The following EYS variants were observed in gnomAD, a reference collection of about 807,000 sequenced individuals.
EYS encodes protein eyes shut homolog.
In EYS, 250 loss-of-function variants were observed where a neutral mutation model predicts 282.1. The ratio of observed to expected loss-of-function variants is 0.89; its 90% CI spans 0.80 to 0.98. The LOEUF (loss-of-function observed/expected upper bound fraction) is 0.98. EYS is among the 50% of genes least tolerant of loss of function. EYS has a pLI of 0.00. For synonymous variants in EYS, 1,355 were observed against 1,282.9 expected (o/e 1.06, Z -1.20); for missense variants, 4,016 against 3,709.0 (o/e 1.08, Z -2.15).
intron 21 of EYS, among the ~76,000 whole-genome samples, chr6:64,816,356 A>T (rs1285830695): frequency 6.6e-6 from 1 of 152,096 alleles, no homozygotes; most frequent in African/African-American, 2.4e-5. Context: ...AAGCTGCAGG[A>T]TTGGGCAATC....
intron 32 of EYS, among the ~76,000 whole-genome samples, chr6:64,076,229 T>C (rs923480166): frequency 6.6e-6 from 1 of 152,000 alleles, no homozygotes; most frequent in Non-Finnish European, 1.5e-5. Context: ...ATTATAACAA[T>C]GTTCAATGGG....
chr6:65,699,313 AAAC>A (rs1422670843), intron 1 of EYS, among the ~76,000 whole-genome samples: 1 of 152,222 alleles, frequency 6.6e-6, no homozygotes, highest in Non-Finnish European at 1.5e-5. Context: ...CAAAATTATG[AAAC>A]CCTATTTTAC....
intron 12 of EYS, among the ~76,000 whole-genome samples, chr6:65,128,406 C>A (rs75486620): frequency 2.0e-5 from 3 of 151,828 alleles, no homozygotes; most frequent in Non-Finnish European, 2.9e-5. Flanking sequence ...AATGACAATA[C>A]GATTTTATAC....
At chr6:63,793,325 G>A (rs2149672990) in intron 37 of EYS, among the ~76,000 whole-genome samples, 1 of 152,332 alleles carries the variant, frequency 6.6e-6, no homozygotes, top group South Asian at 2.1e-4. Flanking sequence ...GGTCGAGAGT[G>A]TTGATAGAAT....
At chr6:63,853,548 G>C (rs1345297829) in intron 36 of EYS, among the ~76,000 whole-genome samples, 1 of 152,114 alleles carries the variant, frequency 6.6e-6, no homozygotes, top group African/African-American at 2.4e-5. Flanking sequence ...CGTGCAAATG[G>C]CCATACTGCC....
intron 5 of EYS, among the ~76,000 whole-genome samples, chr6:65,417,848 T>C (rs1465134376): frequency 6.6e-6 from 1 of 151,994 alleles, no homozygotes; most frequent in Non-Finnish European, 1.5e-5. Context: ...GAGGAATGGC[T>C]GCCAGAAGCC....
chr6:64,044,448 G>A (rs1170399436), intron 33 of EYS, among the ~76,000 whole-genome samples: 1 of 152,208 alleles, frequency 6.6e-6, no homozygotes. Context: ...AAATGGCAAA[G>A]AGCCGGGGAG....
chr6:64,546,746 T>G (rs1353369140), intron 26 of EYS, among the ~76,000 whole-genome samples: 2 of 152,156 alleles, frequency 1.3e-5, no homozygotes, highest in African/African-American at 4.8e-5. Flanking sequence ...AGAAGACATT[T>G]ATGCAGCCAA....
intron 2 of EYS, among the ~76,000 whole-genome samples, chr6:65,571,552 G>C (rs187167782): frequency 1.6e-3 from 247 of 150,920 alleles, no homozygotes; most frequent in African/African-American, 5.6e-3. Context: ...TAATCTTCTA[G>C]GTCAAAAAAA....
At chr6:64,209,762 GTTCT>G (rs1765706012) in intron 31 of EYS, among the ~76,000 whole-genome samples, 2 of 151,990 alleles carry the variant, frequency 1.3e-5, no homozygotes, top group South Asian at 4.1e-4. Flanking sequence ...TGCTGCCCTT[GTTCT>G]TTCTTTTCTG....
At chr6:65,333,212 CCA>C (rs1769860323) in intron 11 of EYS, among the ~76,000 whole-genome samples, 1 of 151,460 alleles carries the variant, frequency 6.6e-6, no homozygotes, top group Admixed American at 6.6e-5. Context: ...ACTGCATCAC[CCA>C]CATCCCATGA....
At chr6:64,851,359 T>C (rs544578856) in intron 19 of EYS, among the ~76,000 whole-genome samples, 1 of 152,210 alleles carries the variant, frequency 6.6e-6, no homozygotes, top group Non-Finnish European at 1.5e-5. Context: ...TATCCCACCA[T>C]AAAATGTCAG....
At chr6:63,982,492 G>A (rs1287469538) in intron 35 of EYS, among the ~76,000 whole-genome samples, 1 of 151,750 alleles carries the variant, frequency 6.6e-6, no homozygotes, top group African/African-American at 2.4e-5. Context: ...TGTCAGCCAG[G>A]GGACACCCTC....
At chr6:65,163,554 A>G (rs1406000966) in intron 12 of EYS, among the ~76,000 whole-genome samples, 1 of 151,244 alleles carries the variant, frequency 6.6e-6, no homozygotes, top group Non-Finnish European at 1.5e-5. Context: ...GCGGGTGGGT[A>G]AAGAAGTGAG....
At chr6:65,226,535 T>C (rs980401848) in intron 12 of EYS, among the ~76,000 whole-genome samples, 1 of 152,074 alleles carries the variant, frequency 6.6e-6, no homozygotes, top group Non-Finnish European at 1.5e-5. Context: ...CAATATCAAT[T>C]GTCAATACGG....
intron 12 of EYS, among the ~76,000 whole-genome samples, chr6:65,153,815 C>T (rs1232602761): frequency 6.6e-6 from 1 of 151,750 alleles, no homozygotes; most frequent in Admixed American, 6.6e-5. Flanking sequence ...CATCTTTAGG[C>T]ATGATTTGTT....
chr6:64,035,874 G>A (rs1449157489), intron 33 of EYS, among the ~76,000 whole-genome samples: 2 of 152,094 alleles, frequency 1.3e-5, no homozygotes, highest in African/African-American at 2.4e-5. Flanking sequence ...TAAGTTCTCA[G>A]AGATTCACTC....
chr6:64,676,621 C>G (rs1358158131), intron 22 of EYS, among the ~76,000 whole-genome samples: 1 of 152,050 alleles, frequency 6.6e-6, no homozygotes, highest in Non-Finnish European at 1.5e-5. Context: ...TTGTCTTAGT[C>G]TGTTTGGGCT....
intron 8 of EYS, among the ~76,000 whole-genome samples, chr6:65,369,542 TG>T (rs1377407887): frequency 6.6e-6 from 1 of 151,276 alleles, no homozygotes; most frequent in Non-Finnish European, 1.5e-5. Context: ...TTTGTAAGTC[TG>T]GGGTTCTCTA....
Sources: gnomAD v4.1 joint callset for allele counts (sites outside exome capture counted in the v4.1 genomes callset) on GRCh38, gnomAD v4.1.1 for gene constraint, MANE v1.5 for transcripts, NCBI Gene and HGNC (gene_info 2026-07-23, HGNC 2026-07-21) for gene names.